Variants in LAMA4 observed in about 807,000 individuals in gnomAD.
LAMA4 encodes laminin subunit alpha 4.
Under a neutral mutation model 207.1 loss-of-function variants are expected in LAMA4, and 127 were observed. The ratio of observed to expected loss-of-function variants is 0.61; its 90% CI spans 0.53 to 0.71. LAMA4 has a LOEUF of 0.71. LAMA4 is among the 30% of genes least tolerant of loss of function. The pLI is 0.00. For synonymous variants in LAMA4, 761 were observed against 816.0 expected (o/e 0.93, Z 1.15); for missense variants, 2,093 against 2,246.5 (o/e 0.93, Z 1.38).
chr6:112,206,972 C>A, intron 4 of LAMA4, 49 bp downstream of exon 4: 1 of 1,610,122 alleles, frequency 6.2e-7, no homozygotes, highest in East Asian at 2.2e-5. Context: ...CAAAACAAAA[C>A]AATACATAGA....
chr6:112,198,953 G>T (rs1554351322), intron 5 of LAMA4, among the ~76,000 whole-genome samples: 1 of 152,162 alleles, frequency 6.6e-6, no homozygotes, highest in East Asian at 1.9e-4. Context: ...AGAGGTCAAA[G>T]AACTTGCCCG....
chr6:112,132,677 C>T (rs1554330216), intron 28 of LAMA4, 76 bp downstream of exon 28: 3 of 1,359,128 alleles, frequency 2.2e-6, no homozygotes, highest in East Asian at 2.4e-5. Flanking sequence ...TCACTTCTAA[C>T]ATGCATTACA....
intron 2 of LAMA4, among the ~76,000 whole-genome samples, chr6:112,230,942 C>G (rs1229848747): frequency 6.6e-6 from 1 of 152,212 alleles, no homozygotes; most frequent in Non-Finnish European, 1.5e-5. Context: ...AAGCTGTTTA[C>G]ATAGAGCAAG....
chr6:112,109,560 C>A lies in LAMA4; in HGVS notation c.5349G>T (p.Leu1783Phe). Residue 1783 changes from leucine to phenylalanine, a missense_variant, in exon 39 of 39, where the codon TTG becomes TTT. Leu to Phe is a conservative substitution (Grantham distance 22, BLOSUM62 0). Coordinates refer to ENST00000230538, the MANE Select transcript of LAMA4 (RefSeq NM_001105206.3). Reference sequence around the variant, plus strand: ...AGCCTGTGAAGGGTTTGCTGGGGGCCAAGCGTGGTGTCAGTAGAGATTCTG... The same window carrying A: ...AGCCTGTGAAGGGTTTGCTGGGGGCAAAGCGTGGTGTCAGTAGAGATTCTG... ...GVPESLLTPRLAPSKPFTGCI... is the reference protein window; with the variant it reads ...GVPESLLTPRFAPSKPFTGCI... 6.2e-7 allele frequency: 1 copy of A among 1,613,968 alleles called. No homozygotes were observed. Among genetic ancestry groups the A allele is most frequent in the Non-Finnish European group, 8.5e-7 (1 of 1,179,970 alleles).
In LAMA4 at chr6:112,253,940, G is replaced by A. The variant is rs1297174280; in HGVS notation, c.195+16C>T. The A allele has an allele frequency of 1.2e-6, 2 of 1,606,410 alleles. No homozygotes were observed. Among genetic ancestry groups the A allele is most frequent in the African/African-American group, 1.3e-5 (1 of 74,730 alleles). On this transcript the variant is annotated intron_variant, in intron 2 of 38. Transcript: ENST00000230538. ...GCAGGTGCCCCAGCAGGGTGGCAAT[G>A]GCAGGGACACTGTACCTCGGCCGCA...
Position 112,254,265 on chromosome 6 carries a change from A to G in LAMA4, c.-115T>C. 1 of 1,338,720 alleles carries G rather than the reference A, an allele frequency of 7.5e-7. No individual in the cohort carries two copies. The highest frequency in any genetic ancestry group is 1.2e-5 in the South Asian group (1 of 80,696). 82.9% of individuals were successfully genotyped at this position (1,338,720 alleles called of 1,614,324 possible). ...ATTTTCCCTCCTCTCCGTGTGCAGT[A>G]TCCCGAGGTGGCTGCGCAACCAGCA... is the stretch of plus-strand genomic sequence containing the variant. On this transcript the variant is annotated 5_prime_UTR_variant, in exon 2 of 39. Coordinates refer to ENST00000230538, the MANE Select transcript of LAMA4 (RefSeq NM_001105206.3).
chr6:112,241,098 A>C (rs1786393482), intron 2 of LAMA4, among the ~76,000 whole-genome samples: 1 of 94,378 alleles, frequency 1.1e-5, no homozygotes, highest in Non-Finnish European at 2.3e-5. Context: ...GAGTCACATG[A>C]ATATATATAT....
intron 4 of LAMA4, among the ~76,000 whole-genome samples, chr6:112,201,914 A>G (rs1370409158): frequency 1.3e-5 from 2 of 152,204 alleles, no homozygotes; most frequent in Admixed American, 6.5e-5. Flanking sequence ...TCCTATATAT[A>G]TATTTCAAGC....
At chr6:112,113,867 G>T (rs1251708512) in intron 38 of LAMA4, among the ~76,000 whole-genome samples, 1 of 152,150 alleles carries the variant, frequency 6.6e-6, no homozygotes, top group Non-Finnish European at 1.5e-5. Context: ...AGCAAATATG[G>T]CAAGGGAGAG....
Position 112,175,440 on chromosome 6 carries a change from T to A in LAMA4, c.1230A>T (p.Glu410Asp). 6.2e-7 allele frequency: 1 copy of A among 1,614,138 alleles called. No homozygotes were observed. The highest frequency in any genetic ancestry group is 8.5e-7 in the Non-Finnish European group (1 of 1,179,994). ...TCTCAGAGATTTCCTTGGGGCTAAG[T>A]TCATGCTCTTCCCCATAATAGAGCA... ...NKMLYYGEEH[E>D]LSPKEISEKL... is the part of the protein sequence containing the mutation. Residue 410 changes from glutamate (E) to aspartate (D), a missense_variant, in exon 11 of 39, where the codon GAA becomes GAT. Glu to Asp is a conservative substitution (Grantham distance 45, BLOSUM62 2). Around this residue, in one of 3 missense-constraint regions of LAMA4, gnomAD observed 1,704 missense variants for 1,788.4 expected, o/e 0.95. Coordinates refer to ENST00000230538, the MANE Select transcript of LAMA4 (RefSeq NM_001105206.3).
chr6:112,203,565 T>G (rs1483973803), intron 4 of LAMA4, among the ~76,000 whole-genome samples: 1 of 152,222 alleles, frequency 6.6e-6, no homozygotes, highest in East Asian at 1.9e-4. Flanking sequence ...TAAGTCCAGA[T>G]CAAAGGTTAG....
At position 112,109,655 on chromosome 6, in the gene LAMA4, A is replaced by C; in HGVS notation, c.5327-73T>G. ...AAGCCCAAATATTACTTCCTGGTAA[A>C]AGTATACATATTTGCTCATATCATC... On this transcript the variant is annotated intron_variant, in intron 38 of 38. Transcript: ENST00000230538. 4 of 1,434,428 alleles carry C rather than the reference A, an allele frequency of 2.8e-6. No homozygotes were observed. In the African/African-American group the frequency reaches 5.8e-5, roughly 21 times the overall value. The allele number at this position is 1,434,428 out of a possible 1,614,324, so 88.9% of individuals were successfully genotyped here.
chr6:112,198,739 C>A (rs1181534061), intron 5 of LAMA4, among the ~76,000 whole-genome samples: 33 of 152,110 alleles, frequency 2.2e-4, no homozygotes, highest in Admixed American at 2.1e-3. Context: ...GGGAAATGAG[C>A]CAACGTGTCC....
intron 14 of LAMA4, chr6:112,158,358 A>G: frequency 3.7e-6 from 1 of 272,520 alleles, no homozygotes; most frequent in South Asian, 4.2e-5. Flanking sequence ...TAGACCTTCT[A>G]AAGGGATCTG....
At chr6:112,159,669 T>C (rs527518823) in intron 13 of LAMA4, 3 of 152,354 alleles carry the variant, frequency 2.0e-5, no homozygotes, top group Admixed American at 6.5e-5. Context: ...GATCACTTTA[T>C]TTTCTTTTTT....
Position 112,139,103 on chromosome 6 carries a change from C to A in LAMA4, c.3282+17G>T, listed in dbSNP as rs375894002. On this transcript the variant is annotated intron_variant, in intron 24 of 38. Transcript: ENST00000230538. Reference sequence around the variant, plus strand: ...AGGAAATAAAGGAGAAGTAGTAGGACTTGTATTTTTACTCACTCCATTGAC... The same window carrying A: ...AGGAAATAAAGGAGAAGTAGTAGGAATTGTATTTTTACTCACTCCATTGAC... 6.2e-7 allele frequency: 1 copy of A among 1,611,926 alleles called. No homozygotes were observed. The highest frequency in any genetic ancestry group is 1.3e-5 in the African/African-American group (1 of 74,990).
chr6:112,169,887 C>T (rs782292820), intron 12 of LAMA4, among the ~76,000 whole-genome samples: 1 of 152,232 alleles, frequency 6.6e-6, no homozygotes, highest in Non-Finnish European at 1.5e-5. Flanking sequence ...TTGCTTGTTA[C>T]ATTTACAAAG....
chr6:112,229,094 A>G (rs1785398608), intron 2 of LAMA4, among the ~76,000 whole-genome samples: 1 of 152,272 alleles, frequency 6.6e-6, no homozygotes, highest in African/African-American at 2.4e-5. Context: ...ATGTTAATTT[A>G]CCAACTAGGA....
chr6:112,245,383 A>G (rs1192257267), intron 2 of LAMA4, among the ~76,000 whole-genome samples: 4 of 152,120 alleles, frequency 2.6e-5, no homozygotes, highest in South Asian at 2.1e-4. Context: ...TGTCTATGTT[A>G]TGTGTTTCTT....
Sources: allele counts gnomAD v4.1 joint callset (sites outside exome capture counted in the v4.1 genomes callset), GRCh38; gene constraint gnomAD v4.1.1; regional missense constraint gnomAD v4.1.1; transcripts MANE v1.5; gene names NCBI Gene and HGNC (gene_info 2026-07-23, HGNC 2026-07-21).